Variants in DAB1 observed in about 807,000 individuals in gnomAD.
DAB1 encodes disabled homolog 1.
DAB1 carries 15 observed loss-of-function variants against 64.6 expected under a neutral mutation model. That is an observed-to-expected ratio of 0.23 (90% CI 0.16 to 0.36). The LOEUF (loss-of-function observed/expected upper bound fraction) is 0.36. Among genes scored for constraint, DAB1 ranks in the 10% least tolerant of loss-of-function variants. DAB1 has a pLI of 1.00. For synonymous variants in DAB1, 235 were observed against 251.9 expected (o/e 0.93, Z 0.64); for missense variants, 596 against 706.7 (o/e 0.84, Z 1.78).
intron 7 of DAB1, among the ~76,000 whole-genome samples, chr1:57,456,258 T>C (rs1370190957): frequency 6.6e-6 from 1 of 152,210 alleles, no homozygotes; most frequent in Admixed American, 6.5e-5. Context: ...CAGTTTTTTA[T>C]ATAAGGCAGT....
intron 11 of DAB1, among the ~76,000 whole-genome samples, chr1:57,018,423 T>A (rs1477031167): frequency 6.6e-6 from 1 of 152,246 alleles, no homozygotes; most frequent in Non-Finnish European, 1.5e-5. Flanking sequence ...AATACATATA[T>A]TTTTATTACA....
chr1:57,263,767 C>A (rs113796396), intron 2 of DAB1, among the ~76,000 whole-genome samples: 1 of 152,106 alleles, frequency 6.6e-6, no homozygotes, highest in African/African-American at 2.4e-5. Context: ...CAGTTTTGTG[C>A]CAATAATTTT....
intron 5 of DAB1, among the ~76,000 whole-genome samples, chr1:58,081,336 A>C (rs976840750): frequency 6.6e-6 from 1 of 152,202 alleles, no homozygotes; most frequent in African/African-American, 2.4e-5. Flanking sequence ...AAAGCAATGA[A>C]GATTTTCTTT....
intron 7 of DAB1, among the ~76,000 whole-genome samples, chr1:57,573,803 C>T (rs577638254): frequency 6.6e-6 from 1 of 152,306 alleles, no homozygotes; most frequent in African/African-American, 2.4e-5. Flanking sequence ...AAAAATAACA[C>T]AACTTTGTTA....
chr1:57,773,876 T>C (rs1649674553), intron 6 of DAB1, among the ~76,000 whole-genome samples: 1 of 152,074 alleles, frequency 6.6e-6, no homozygotes, highest in Admixed American at 6.6e-5. Flanking sequence ...TTACATCAAT[T>C]CTATTATGCG....
intron 4 of DAB1, among the ~76,000 whole-genome samples, chr1:58,192,636 T>C (rs1429192419): frequency 1.3e-5 from 2 of 152,190 alleles, no homozygotes; most frequent in Non-Finnish European, 2.9e-5. Context: ...TGTGTGCGTG[T>C]GTGTATGTGT....
In DAB1 at chr1:58,180,328, T is replaced by C. The variant is rs185677637; in HGVS notation, n.310-29740A>G. Among the ~76,000 whole-genome samples the C allele has an allele frequency of 2.1e-3, 277 of 134,080 alleles. 2 individuals carry two copies. The highest frequency in any genetic ancestry group is 7.3e-3 in the African/African-American group (271 of 37,228). 88.0% of individuals were successfully genotyped at this position (134,080 alleles called of 152,430 possible). ...TTTTTTTTGAGATAGGATCTCACTT[T>C]GTTGCCCAGACTGGAGTGCAGTGGT... On this transcript the variant is annotated intron_variant and non_coding_transcript_variant, in intron 4 of 20. Coordinates refer to the DAB1 transcript ENST00000485760.
chr1:57,032,461 A>G (rs1646993842), intron 9 of DAB1, among the ~76,000 whole-genome samples: 1 of 152,122 alleles, frequency 6.6e-6, no homozygotes, highest in Admixed American at 6.5e-5. Flanking sequence ...TCCCACCTAG[A>G]ACACTCATTC....
intron 4 of DAB1, among the ~76,000 whole-genome samples, chr1:57,091,214 A>G (rs1173377511): frequency 6.6e-6 from 1 of 152,134 alleles, no homozygotes; most frequent in Non-Finnish European, 1.5e-5. Flanking sequence ...TCCGGTGTCA[A>G]AAAGATTAGG....
intron 6 of DAB1, among the ~76,000 whole-genome samples, chr1:57,672,882 A>C (rs1474718036): frequency 2.6e-5 from 4 of 152,166 alleles, no homozygotes; most frequent in Non-Finnish European, 5.9e-5. Flanking sequence ...AGCTTTTGTC[A>C]CAGAGTTGGC....
At chr1:57,637,365 C>T (rs961245228) in intron 7 of DAB1, among the ~76,000 whole-genome samples, 4 of 152,146 alleles carry the variant, frequency 2.6e-5, no homozygotes, top group East Asian at 1.9e-4. Flanking sequence ...CACAGGGAAT[C>T]GTGGAATCCC....
At chr1:58,025,294 A>G (rs1023763957) in intron 5 of DAB1, among the ~76,000 whole-genome samples, 1 of 151,978 alleles carries the variant, frequency 6.6e-6, no homozygotes, top group Non-Finnish European at 1.5e-5. Flanking sequence ...AAAAACATCA[A>G]TTCCCAGCCC....
chr1:58,269,118 C>T (rs1478270944), intron 4 of DAB1, among the ~76,000 whole-genome samples: 2 of 150,204 alleles, frequency 1.3e-5, no homozygotes, highest in Non-Finnish European at 3.0e-5. Context: ...CACCCACTAA[C>T]TCGTCATCTA....
intron 5 of DAB1, among the ~76,000 whole-genome samples, chr1:58,095,524 T>C (rs1327304637): frequency 6.6e-6 from 1 of 152,152 alleles, no homozygotes; most frequent in African/African-American, 2.4e-5. Context: ...CCATCATTTG[T>C]TTCTGTTAAT....
intron 4 of DAB1, among the ~76,000 whole-genome samples, chr1:58,254,178 T>C (rs1290532305): frequency 6.6e-6 from 1 of 152,114 alleles, no homozygotes; most frequent in Admixed American, 6.5e-5. Flanking sequence ...AAACGTATAT[T>C]AGTATAAAGA....
intron 7 of DAB1, among the ~76,000 whole-genome samples, chr1:57,485,506 C>T (rs554563761): frequency 5.9e-5 from 9 of 152,176 alleles, no homozygotes; most frequent in Non-Finnish European, 1.2e-4. Flanking sequence ...CATATTTGTG[C>T]TGATGTCTGT....
chr1:58,316,771 G>A (rs1662566994), intron 4 of DAB1, among the ~76,000 whole-genome samples: 1 of 152,150 alleles, frequency 6.6e-6, no homozygotes, highest in Admixed American at 6.5e-5. Flanking sequence ...AATTCCATGA[G>A]GTCAGGGGTG....
At chr1:58,523,847 C>A (rs1425677384) in intron 2 of DAB1, among the ~76,000 whole-genome samples, 2 of 151,342 alleles carry the variant, frequency 1.3e-5, no homozygotes, top group Non-Finnish European at 2.9e-5. Flanking sequence ...TGCAGTGAGC[C>A]GAGATCACAC....
intron 2 of DAB1, among the ~76,000 whole-genome samples, chr1:57,273,973 G>A (rs1671258079): frequency 6.6e-6 from 1 of 152,100 alleles, no homozygotes; most frequent in Non-Finnish European, 1.5e-5. Context: ...CCTCACTGAA[G>A]TTATTGGGTA....
Sources: allele counts gnomAD v4.1 joint callset (sites outside exome capture counted in the v4.1 genomes callset), GRCh38; gene constraint gnomAD v4.1.1; transcripts MANE v1.5; gene names NCBI Gene and HGNC (gene_info 2026-07-23, HGNC 2026-07-21).